ACTN1: variants seen among roughly 807,000 people sequenced by gnomAD.
ACTN1 encodes the protein alpha-actinin-1.
A neutral mutation model predicts 119.6 loss-of-function variants in ACTN1; 30 were observed. The ratio of observed to expected loss-of-function variants is 0.25; its 90% CI spans 0.19 to 0.34. The LOEUF (loss-of-function observed/expected upper bound fraction) is 0.34, where lower values mean the gene tolerates loss of function less well. Ranked by LOEUF, ACTN1 falls within the 10% of genes least tolerant of loss-of-function variation. ACTN1 has a pLI of 1.00. For missense variants in ACTN1, 764 were observed against 1,223.4 expected (o/e 0.62, Z 5.60); for synonymous variants, 429 against 472.6 (o/e 0.91, Z 1.20).
chr14:68,955,244 A>G (rs982532741), intron 1 of ACTN1, among the ~76,000 whole-genome samples: 2 of 152,162 alleles, frequency 1.3e-5, no homozygotes, highest in African/African-American at 4.8e-5. Context: ...TTGCATGTAA[A>G]CTGAGTCCTG....
At chr14:68,945,840 T>A (rs532663635) in intron 1 of ACTN1, among the ~76,000 whole-genome samples, 5 of 152,108 alleles carry the variant, frequency 3.3e-5, no homozygotes, top group Non-Finnish European at 7.4e-5. Flanking sequence ...AGGCTGCAGA[T>A]CTAATTGAAA....
intron 8 of ACTN1, among the ~76,000 whole-genome samples, chr14:68,899,217 A>C (rs1219838347): frequency 2.3e-5 from 2 of 88,576 alleles, no homozygotes. Context: ...CCTCCACACC[A>C]CACACCACAC....
At chr14:68,904,572 G>A (rs529480917) in intron 7 of ACTN1, 83 bp downstream of exon 7, 54 of 1,299,634 alleles carry the variant, frequency 4.2e-5, no homozygotes, top group African/African-American at 3.7e-4. Flanking sequence ...GTCCAGCCCC[G>A]GACTGCTGGG....
chr14:68,915,321 C>A (rs1026320769), intron 3 of ACTN1, among the ~76,000 whole-genome samples: 1 of 151,840 alleles, frequency 6.6e-6, no homozygotes, highest in Non-Finnish European at 1.5e-5. Context: ...CTGCAGCTCC[C>A]CTTCCCTAGA....
intron 3 of ACTN1, among the ~76,000 whole-genome samples, chr14:68,919,768 A>G (rs141249860): frequency 1.8e-3 from 273 of 152,364 alleles, no homozygotes; most frequent in Non-Finnish European, 3.2e-3. Flanking sequence ...TTCTGGCTCT[A>G]TGATCCATAT....
At chr14:68,961,107 CTT>C (rs1398029274) in intron 1 of ACTN1, among the ~76,000 whole-genome samples, 2 of 152,122 alleles carry the variant, frequency 1.3e-5, no homozygotes, top group Admixed American at 6.5e-5. Context: ...ATACACGAGA[CTT>C]TTAATATATC....
At chr14:68,922,053 A>T (rs11848042) in intron 2 of ACTN1, among the ~76,000 whole-genome samples, 10,106 of 152,256 alleles carry the variant, frequency 0.066, 494 homozygotes, top group African/African-American at 0.11. Flanking sequence ...GCATAGAGCC[A>T]TACCTAGGGA....
rs114688033 is a variant in ACTN1, at chr14:68,948,594, A to G, written c.106-22922T>C. ...CTCCATCTTAAAAAAAAAAGAAGTA[A>G]GGTTTTCTGATCCCTATTTTAGAGA... On this transcript the variant is annotated intron_variant, in intron 1 of 21. Transcript: ENST00000394419. Among the ~76,000 whole-genome samples the G allele has an allele frequency of 3.1e-3, 466 of 152,212 alleles. 1 individual carries two copies. Among genetic ancestry groups the G allele is most frequent in the African/African-American group, 0.01 (425 of 41,544 alleles).
At chr14:68,926,656 C>A (rs76626725) in intron 1 of ACTN1, among the ~76,000 whole-genome samples, 1,797 of 152,318 alleles carry the variant, frequency 0.012, 39 homozygotes, top group African/African-American at 0.04. Flanking sequence ...CTCTTCCCAC[C>A]TGCCCTGCAA....
At chr14:68,916,472 G>A (rs1050738015) in intron 3 of ACTN1, among the ~76,000 whole-genome samples, 1 of 152,190 alleles carries the variant, frequency 6.6e-6, no homozygotes, top group African/African-American at 2.4e-5. Flanking sequence ...TTTCACTCCA[G>A]AAAACAGAGG....
intron 10 of ACTN1, among the ~76,000 whole-genome samples, chr14:68,891,170 T>C (rs1421022173): frequency 6.8e-6 from 1 of 146,360 alleles, no homozygotes; most frequent in Non-Finnish European, 1.5e-5. Flanking sequence ...CTTCTAGACC[T>C]GTCATGTGCC....
chr14:68,895,705 C>CTTCA (rs1442760202), intron 8 of ACTN1, among the ~76,000 whole-genome samples: 2 of 152,198 alleles, frequency 1.3e-5, no homozygotes, highest in African/African-American at 4.8e-5. Context: ...ATAAAGCCAC[C>CTTCA]TTCACCTTGT....
At chr14:68,914,660 G>A (rs2140314141) in intron 3 of ACTN1, among the ~76,000 whole-genome samples, 1 of 152,226 alleles carries the variant, frequency 6.6e-6, no homozygotes, top group Non-Finnish European at 1.5e-5. Context: ...TAGCTTCTTG[G>A]GAGGCAGAGG....
intron 1 of ACTN1, among the ~76,000 whole-genome samples, chr14:68,928,086 G>C (rs1281629963): frequency 6.6e-6 from 1 of 152,192 alleles, no homozygotes; most frequent in Non-Finnish European, 1.5e-5. Context: ...GAAACATCCA[G>C]GGTCCTAGCA....
intron 1 of ACTN1, among the ~76,000 whole-genome samples, chr14:68,970,297 G>A (rs1430121605): frequency 6.6e-6 from 1 of 152,172 alleles, no homozygotes; most frequent in Non-Finnish European, 1.5e-5. Context: ...CCCCCCACTT[G>A]GTGCTGATCT....
Position 68,892,084 on chromosome 14 carries a change from G to A in ACTN1, c.1055C>T (p.Ala352Val). Residue 352 changes from alanine (A) to valine (V), a missense_variant, in exon 10 of 22, where the codon GCC (alanine) becomes GTC (valine). This residue lies in a region of ACTN1 where 544 missense variants were observed against 912.0 expected (regional missense o/e 0.60). Transcript: ENST00000394419. ...CATCCTGCCCTCAGAGGGCATGAAGGCAGGCCGGTTGCTGAGCCGCAGCTT... is the reference window on the plus strand; with the variant it reads ...CATCCTGCCCTCAGAGGGCATGAAGACAGGCCGGTTGCTGAGCCGCAGCTT... ...QTKLRLSNRP[A>V]FMPSEGRMVS... 4 of 1,613,940 alleles carry A rather than the reference G, an allele frequency of 2.5e-6. No individual in the cohort carries two copies. The highest frequency in any genetic ancestry group is 3.4e-6 in the Non-Finnish European group (4 of 1,179,992).
chr14:68,901,223 T>TTTTTG (rs1173125757), intron 8 of ACTN1, among the ~76,000 whole-genome samples: 3 of 147,296 alleles, frequency 2.0e-5, no homozygotes, highest in Non-Finnish European at 4.5e-5. Context: ...TTTTGTTTTT[T>TTTTTG]TTTTGTTTTG....
At chr14:68,922,803 G>C (rs755359077) in intron 2 of ACTN1, among the ~76,000 whole-genome samples, 1 of 152,222 alleles carries the variant, frequency 6.6e-6, no homozygotes, top group Non-Finnish European at 1.5e-5. Context: ...TAGGAGGACT[G>C]GGTTAAGGTT....
chr14:68,953,146 G>C (rs1458153045), intron 1 of ACTN1, among the ~76,000 whole-genome samples: 3 of 152,162 alleles, frequency 2.0e-5, no homozygotes, highest in Non-Finnish European at 4.4e-5. Context: ...CTAGAAAACA[G>C]GGTGAATAAC....
Sources: allele counts gnomAD v4.1 joint callset (sites outside exome capture counted in the v4.1 genomes callset), GRCh38; gene constraint gnomAD v4.1.1; regional missense constraint gnomAD v4.1.1; transcripts MANE v1.5; gene names NCBI Gene and HGNC (gene_info 2026-07-23, HGNC 2026-07-21).